Variants in ABCC12 observed in about 807,000 individuals in gnomAD.
The protein encoded by ABCC12 is ATP binding cassette subfamily C member 12.
Under a neutral mutation model 151.1 loss-of-function variants are expected in ABCC12, and 142 were observed. The observed-to-expected ratio is 0.94, with a 90% confidence interval of 0.82 to 1.08. The LOEUF is 1.08. Among genes scored for constraint, ABCC12 ranks in the 50% least tolerant of loss-of-function variants. The pLI is 0.00. For synonymous variants in ABCC12, 645 were observed against 646.4 expected, an observed-to-expected ratio of 1.00 and a Z score of 0.03; for missense variants, 1,638 against 1,691.1, an observed-to-expected ratio of 0.97 and a Z score of 0.55.
Position 48,146,418 on chromosome 16 carries a change from C to G in ABCC12, c.7G>C (p.Gly3Arg). 6.2e-7 allele frequency: 1 copy of G among 1,614,074 alleles called. No individual in the cohort carries two copies. The highest frequency in any genetic ancestry group is 8.5e-7 in the Non-Finnish European group (1 of 1,179,958). The change falls in exon 3 of 31, where the codon GGT becomes CGT. Residue 3 changes from glycine to arginine, a missense_variant. Gly to Arg is a moderately radical substitution (Grantham distance 125). Coordinates refer to ENST00000311303, the MANE Select transcript of ABCC12 (RefSeq NM_001393797.1). MVGEGPYLISDLD... is the reference protein window; with the variant it reads MVREGPYLISDLD... ...TCTGAGATAAGGTAGGGTCCTTCACCCACCATCCTGATGGCAGCCTGGAGC... is the reference window on the plus strand; with the variant it reads ...TCTGAGATAAGGTAGGGTCCTTCACGCACCATCCTGATGGCAGCCTGGAGC...
rs79688031 is a variant in ABCC12, at chr16:48,096,913, C to T, written c.3039-11G>A. On this transcript the variant is annotated splice_polypyrimidine_tract_variant and intron_variant, in intron 23 of 30. Coordinates refer to ENST00000311303, the MANE Select transcript of ABCC12 (RefSeq NM_001393797.1). Reference sequence around the variant, plus strand: ...AAGTAGAGGAGGTGACTGGAGTTTTCGTCGTTTAGCGTCTTAAACCTACAG... The same window carrying T: ...AAGTAGAGGAGGTGACTGGAGTTTTTGTCGTTTAGCGTCTTAAACCTACAG... The T allele has an allele frequency of 2.2e-3, 3,587 of 1,614,000 alleles. 83 individuals carry two copies. In the African/African-American group the frequency reaches 0.042, roughly 19 times the overall value.
intron 22 of ABCC12, among the ~76,000 whole-genome samples, chr16:48,102,720 C>T (rs529976950): frequency 6.0e-4 from 91 of 152,288 alleles, no homozygotes; most frequent in Middle Eastern, 6.8e-3. Flanking sequence ...CACCATCAGC[C>T]GACTTGTTGA....
chr16:48,121,470 T>C (rs1964064254), intron 13 of ABCC12: 2 of 439,286 alleles, frequency 4.6e-6, no homozygotes, highest in East Asian at 4.7e-5. Context: ...TATGCTCCTC[T>C]GCCCTGGGAA....
At chr16:48,151,251 T>C (rs1398735815) in intron 2 of ABCC12, among the ~76,000 whole-genome samples, 1 of 152,122 alleles carries the variant, frequency 6.6e-6, no homozygotes, top group Non-Finnish European at 1.5e-5. Flanking sequence ...CAAAACCTCA[T>C]AACGCCGGTC....
At chr16:48,100,244 G>GCCA (rs1963255519) in intron 23 of ABCC12, among the ~76,000 whole-genome samples, 1 of 152,174 alleles carries the variant, frequency 6.6e-6, no homozygotes, top group Non-Finnish European at 1.5e-5. Context: ...ACAGGCGTGA[G>GCCA]CCACCGCGCC....
rs1467693620 is a variant in ABCC12, at chr16:48,124,223, A to T, written c.1577T>A (p.Leu526His). 2 of 1,614,068 alleles carry T rather than the reference A, an allele frequency of 1.2e-6. No homozygotes were observed. The highest frequency in any genetic ancestry group is 1.7e-6 in the Non-Finnish European group (2 of 1,179,912). ...CATCACACAGCTTACCTGTCCTAGG[A>T]GAGCTGCAAGGAGGGAGCTCTTTCC... The part of the protein sequence containing the change: ...GSGKSSLLAA[L>H]LGQMQLQKGV... The change falls in exon 12 of 31, where the codon CTC (leucine) becomes CAC (histidine). Residue 526 changes from leucine to histidine, a missense_variant. Coordinates refer to ENST00000311303, the MANE Select transcript of ABCC12 (RefSeq NM_001393797.1).
At chr16:48,118,464 C>A (rs1446123124) in intron 13 of ABCC12, among the ~76,000 whole-genome samples, 2 of 152,238 alleles carry the variant, frequency 1.3e-5, no homozygotes, top group Non-Finnish European at 2.9e-5. Context: ...CACCACTGGG[C>A]CTTTAGGTTT....
chr16:48,107,785 T>C (rs980618587), intron 19 of ABCC12, among the ~76,000 whole-genome samples: 1 of 152,212 alleles, frequency 6.6e-6, no homozygotes, highest in Non-Finnish European at 1.5e-5. Flanking sequence ...GCGGATCACC[T>C]GAGGTCAGGA....
intron 12 of ABCC12, among the ~76,000 whole-genome samples, chr16:48,122,198 G>A (rs1353178214): frequency 2.0e-5 from 3 of 152,242 alleles, no homozygotes; most frequent in Non-Finnish European, 4.4e-5. Context: ...TCCTCCAGGT[G>A]CACTGGCTGG....
At chr16:48,095,125 T>A (rs867345774) in intron 24 of ABCC12, among the ~76,000 whole-genome samples, 1 of 152,244 alleles carries the variant, frequency 6.6e-6, no homozygotes, top group African/African-American at 2.4e-5. Context: ...GTAGCTCCCA[T>A]AATTCCCACG....
At chr16:48,115,321 A>G in intron 15 of ABCC12, 94 bp downstream of exon 15, 1 of 1,366,446 alleles carries the variant, frequency 7.3e-7, no homozygotes, top group Non-Finnish European at 1.0e-6. Flanking sequence ...CCAGCTGAAG[A>G]CAGGCAGATA....
intron 8 of ABCC12, among the ~76,000 whole-genome samples, chr16:48,134,758 A>G (rs1251111106): frequency 2.0e-5 from 3 of 152,192 alleles, no homozygotes; most frequent in African/African-American, 7.2e-5. Context: ...CTACTTTAAG[A>G]TATCCCACCC....
intron 14 of ABCC12, among the ~76,000 whole-genome samples, chr16:48,116,431 G>T (rs376351975): frequency 6.6e-6 from 1 of 152,194 alleles, no homozygotes; most frequent in Non-Finnish European, 1.5e-5. Context: ...TATTCAGGTG[G>T]TGGGACTTGG....
chr16:48,098,820 T>C (rs1963203344), intron 23 of ABCC12, among the ~76,000 whole-genome samples: 4 of 152,224 alleles, frequency 2.6e-5, no homozygotes, highest in Admixed American at 2.6e-4. Context: ...CCCCCATCAG[T>C]CATTCTTGGC....
At chr16:48,091,383 C>A (rs1376120071) in intron 24 of ABCC12, 174 bp from the exon 25 acceptor site, 20 of 619,750 alleles carry the variant, frequency 3.2e-5, no homozygotes, top group East Asian at 1.7e-4. Flanking sequence ...TATTCCTGTT[C>A]GGGTGTTTTG....
At chr16:48,110,441 G>A (rs911733892) in intron 18 of ABCC12, among the ~76,000 whole-genome samples, 3 of 152,100 alleles carry the variant, frequency 2.0e-5, no homozygotes, top group African/African-American at 7.2e-5. Context: ...GAATAACTTG[G>A]AAAGCCACCT....
At position 48,139,330 on chromosome 16, in the gene ABCC12, T is replaced by G. The variant is rs1964726001; in HGVS notation, c.664A>C (p.Asn222His). Residue 222 changes from asparagine (N) to histidine (H), a missense_variant, in exon 7 of 31, where the codon AAT becomes CAT. Transcript: ENST00000311303. ...GAATAGCTATCACTTGACAGTATAT[T>G]GAGCACCTGGAAAGAAAAGCGCAAA... is the stretch of plus-strand genomic sequence containing the variant. ...LTHISVGEVL[N>H]ILSSDSYSLF... 1 of 1,601,128 alleles carries G rather than the reference T, an allele frequency of 6.2e-7. No homozygotes were observed. Among genetic ancestry groups the G allele is most frequent in the Non-Finnish European group, 8.5e-7 (1 of 1,176,446 alleles).
rs201896683 is a variant in ABCC12 at position 48,121,719 on chromosome 16, T to C, written c.1709A>G (p.Gln570Arg). The C allele has an allele frequency of 7.4e-6, 12 of 1,614,160 alleles. No individual in the cohort carries two copies. The East Asian group carries it at 1.3e-4, about 18-fold the overall frequency. The change falls in exon 13 of 31, where the codon CAA becomes CGA. Residue 570 changes from glutamine (Q) to arginine (R), a missense_variant. Coordinates refer to ENST00000311303, the MANE Select transcript of ABCC12 (RefSeq NM_001393797.1). ...NILFGEKYDH[Q>R]RYQHTVRVCG... ...CTGCTTTAAAAGTTAATATTACCTT[T>C]GGTGATCATACTTTTCTCCAAAGAG... is the stretch of plus-strand genomic sequence containing the variant.
Position 48,143,915 on chromosome 16 carries a change from G to A in ABCC12, c.270C>T (p.Ala90=), listed in dbSNP as rs1437615878. The change falls in exon 4 of 31, where the codon GCC becomes GCT. Residue 90 remains alanine, a synonymous_variant. Coordinates refer to ENST00000311303, the MANE Select transcript of ABCC12 (RefSeq NM_001393797.1). ...LSTYDSSDTN[A]KRFRVLWDEE... Reference sequence around the variant, plus strand: ...ACCCAAGCAAATCCTGGTACCTTTTGGCATTGGTGTCAGATGAGTCATATG... The same window carrying A: ...ACCCAAGCAAATCCTGGTACCTTTTAGCATTGGTGTCAGATGAGTCATATG... The A allele has an allele frequency of 6.2e-7, 1 of 1,613,150 alleles. No individual in the cohort carries two copies. The highest frequency in any genetic ancestry group is 8.5e-7 in the Non-Finnish European group (1 of 1,179,394).
Sources: gnomAD v4.1 joint callset for allele counts (sites outside exome capture counted in the v4.1 genomes callset) on GRCh38, gnomAD v4.1.1 for gene constraint, MANE v1.5 for transcripts, NCBI Gene and HGNC (gene_info 2026-07-23, HGNC 2026-07-21) for gene names.